Variants in ZNF236 observed in about 807,000 individuals in gnomAD.
ZNF236 encodes the protein zinc finger protein 236.
A neutral mutation model predicts 191.2 loss-of-function variants in ZNF236; 50 were observed. The ratio of observed to expected loss-of-function variants is 0.26; its 90% CI spans 0.21 to 0.33. The LOEUF is 0.33. Among genes scored for constraint, ZNF236 ranks in the 10% least tolerant of loss-of-function variants. The pLI is 1.00. For synonymous variants in ZNF236, 907 were observed against 928.8 expected, an observed-to-expected ratio of 0.98 and a Z score of 0.43; for missense variants, 1,754 against 2,374.5, an observed-to-expected ratio of 0.74 and a Z score of 5.43.
At chr18:76,949,451 G>A (rs925809951) in intron 27 of ZNF236, among the ~76,000 whole-genome samples, 1 of 152,050 alleles carries the variant, frequency 6.6e-6, no homozygotes, top group African/African-American at 2.4e-5. Flanking sequence ...AAATTTGACA[G>A]ATTAAATATA....
chr18:76,864,121 C>T (rs183022967), intron 3 of ZNF236, among the ~76,000 whole-genome samples: 140 of 152,224 alleles, frequency 9.2e-4, no homozygotes, highest in African/African-American at 3.1e-3. Flanking sequence ...CCTAGGTCTC[C>T]ATCTGCCAGC....
intron 30 of ZNF236, among the ~76,000 whole-genome samples, chr18:76,965,739 A>G (rs1031212534): frequency 1.3e-5 from 2 of 152,218 alleles, no homozygotes; most frequent in African/African-American, 4.8e-5. Flanking sequence ...GATGTGAACC[A>G]TTCATGGTCT....
At chr18:76,906,385 A>G (rs913929162) in intron 13 of ZNF236, among the ~76,000 whole-genome samples, 4 of 152,094 alleles carry the variant, frequency 2.6e-5, no homozygotes, top group African/African-American at 9.7e-5. Flanking sequence ...TTGTGGAGGG[A>G]ATCCTGTGCA....
At chr18:76,830,694 G>T (rs1395520286) in intron 1 of ZNF236, among the ~76,000 whole-genome samples, 4 of 152,172 alleles carry the variant, frequency 2.6e-5, no homozygotes, top group Non-Finnish European at 5.9e-5. Context: ...ACGAATTTGT[G>T]TTGGGCCATA....
At chr18:76,877,347 AAAAT>A (rs1256997198) in intron 6 of ZNF236, among the ~76,000 whole-genome samples, 2 of 152,032 alleles carry the variant, frequency 1.3e-5, no homozygotes, top group Non-Finnish European at 2.9e-5. Flanking sequence ...CATCTCTACT[AAAAT>A]ACAAAAATTA....
chr18:76,868,467 CT>C (rs1976482804), intron 3 of ZNF236, among the ~76,000 whole-genome samples: 2 of 152,192 alleles, frequency 1.3e-5, no homozygotes, highest in African/African-American at 4.8e-5. Flanking sequence ...ATGTTTCTGT[CT>C]TTTTCTTCCA....
At position 76,925,308 on chromosome 18, in the gene ZNF236, C is replaced by T. The variant is rs1220031297; in HGVS notation, c.3781C>T (p.Arg1261Cys). ...CTTCAAATGCCCGCATTGCGAGCTGCGTTTCCGTACCTCGGGTAGAAGAAA... is the reference window on the plus strand; with the variant it reads ...CTTCAAATGCCCGCATTGCGAGCTGTGTTTCCGTACCTCGGGTAGAAGAAA... Reference protein sequence around the residue: ...KPFKCPHCELRFRTSGRRKTH... With the variant: ...KPFKCPHCELCFRTSGRRKTH... The change falls in exon 22 of 31, where the codon CGT (arginine) becomes TGT (cysteine). Residue 1261 changes from arginine to cysteine, a missense_variant. Physicochemically the swap from Arg to Cys is radical, Grantham distance 180. This residue lies in a region of ZNF236 where 45 missense variants were observed against 137.4 expected (regional missense o/e 0.33). Coordinates refer to ENST00000320610, the MANE Select transcript of ZNF236 (RefSeq NM_001306089.2). The surrounding 1 kb of genome is among the most constrained non-coding windows in gnomAD (Gnocchi z 5.7). 3 of 1,614,176 alleles carry T rather than the reference C, an allele frequency of 1.9e-6. No individual in the cohort carries two copies. The highest frequency in any genetic ancestry group is 2.5e-6 in the Non-Finnish European group (3 of 1,180,046).
chr18:76,889,301 T>G (rs1977157726), intron 9 of ZNF236, among the ~76,000 whole-genome samples: 2 of 152,230 alleles, frequency 1.3e-5, no homozygotes, highest in African/African-American at 4.8e-5. Context: ...TGTGCATCCA[T>G]GCACACATCT....
chr18:76,925,678 T>G lies in ZNF236; in HGVS notation c.4027+124T>G, dbSNP rs982402789. 33 of 1,336,640 alleles carry G rather than the reference T, an allele frequency of 2.5e-5. No homozygotes were observed. The highest frequency in any genetic ancestry group is 3.1e-5 in the Non-Finnish European group (31 of 1,007,924). The allele number at this position is 1,336,640 out of a possible 1,614,324, so 82.8% of individuals were successfully genotyped here. ...GCACCACGTTTCCCTTCTTTGAGCC[T>G]TTTCCTTATAAGGCATTCGGAAAAA... is the stretch of plus-strand genomic sequence containing the variant. On this transcript the variant is annotated intron_variant, in intron 22 of 30. Transcript: ENST00000320610. The surrounding 1 kb of genome is among the most constrained non-coding windows in gnomAD (Gnocchi z 5.7).
chr18:76,825,217 C>A lies in ZNF236; in HGVS notation c.55+2555C>A, dbSNP rs577160662. The stretch of plus-strand genomic sequence containing the variant: ...ATTTAGCGTCTTCAGAGAGGCCTTC[C>A]TCAAACCTGCTTAAAAGTTACCTTT... On this transcript the variant is annotated intron_variant, in intron 1 of 30. Coordinates refer to ENST00000320610, the MANE Select transcript of ZNF236 (RefSeq NM_001306089.2). Among the ~76,000 whole-genome samples the A allele has an allele frequency of 2.6e-5, 4 of 152,346 alleles. No homozygotes were observed. In the East Asian group the frequency reaches 5.8e-4, roughly 22 times the overall value.
intron 1 of ZNF236, among the ~76,000 whole-genome samples, chr18:76,838,479 A>G (rs1284493873): frequency 6.6e-6 from 1 of 152,172 alleles, no homozygotes; most frequent in Non-Finnish European, 1.5e-5. Context: ...GTGATTCCAG[A>G]TGGAGTCATA....
Position 76,919,716 on chromosome 18 carries a change from T to G in ZNF236, c.3275-60T>G. On this transcript the variant is annotated intron_variant, in intron 19 of 30. Coordinates refer to ENST00000320610, the MANE Select transcript of ZNF236 (RefSeq NM_001306089.2). The surrounding 1 kb of genome is among the most constrained non-coding windows in gnomAD (Gnocchi z 5.3). ...CATACCTATTTAGTTTTAATTGTTT[T>G]GCTAAAAACCTAGGTTTTCTTCATT... 1 of 1,578,742 alleles carries G rather than the reference T, an allele frequency of 6.3e-7. No individual in the cohort carries two copies. The highest frequency in any genetic ancestry group is 8.6e-7 in the Non-Finnish European group (1 of 1,157,496).
intron 3 of ZNF236, among the ~76,000 whole-genome samples, chr18:76,856,011 C>T (rs1408852776): frequency 6.6e-6 from 1 of 152,084 alleles, no homozygotes; most frequent in African/African-American, 2.4e-5. Flanking sequence ...ATCCTCCAGC[C>T]AATAAATGGT....
chr18:76,932,201 G>A (rs1967871648), intron 25 of ZNF236, among the ~76,000 whole-genome samples: 1 of 152,174 alleles, frequency 6.6e-6, no homozygotes, highest in Non-Finnish European at 1.5e-5. Context: ...TGTCACAGGG[G>A]GTGGCTCTGT....
intron 3 of ZNF236, among the ~76,000 whole-genome samples, chr18:76,859,263 T>G (rs1599338860): frequency 2.0e-5 from 3 of 146,518 alleles, no homozygotes; most frequent in Admixed American, 6.9e-5. Context: ...CGGGTGCAGG[T>G]GGAGGAGGAA....
intron 26 of ZNF236, 26 bp from the exon 27 acceptor site, chr18:76,947,495 C>G (rs376960518): frequency 1.4e-5 from 23 of 1,599,434 alleles, no homozygotes; most frequent in Admixed American, 5.3e-5. Context: ...GTTACAACTT[C>G]TGAAATAGTA....
intron 9 of ZNF236, among the ~76,000 whole-genome samples, chr18:76,893,457 G>C (rs777207105): frequency 2.6e-4 from 39 of 152,102 alleles, no homozygotes; most frequent in Middle Eastern, 3.4e-3. Context: ...TTTACATTCT[G>C]TCACTGTGTT....
chr18:76,908,398 G>A lies in ZNF236; in HGVS notation c.2376G>A (p.Met792Ile). 9 of 1,614,234 alleles carry A rather than the reference G, an allele frequency of 5.6e-6. No individual in the cohort carries two copies. Among genetic ancestry groups the A allele is most frequent in the Non-Finnish European group, 7.6e-6 (9 of 1,180,050 alleles). Residue 792 changes from methionine (M) to isoleucine (I), a missense_variant, in exon 14 of 31, where the codon ATG becomes ATA. Met to Ile is a conservative substitution (Grantham distance 10). Transcript: ENST00000320610. ...ACAGCACTGTAGACCAGCAGAGCAT[G>A]CAGGCCTCCACTCAAATGCAGGTGG... ...IDDSTVDQQSMQASTQMQVEI... is the reference protein window; with the variant it reads ...IDDSTVDQQSIQASTQMQVEI...
At chr18:76,937,408 A>G (rs894430898) in intron 26 of ZNF236, 65 bp downstream of exon 26, 55 of 1,372,212 alleles carry the variant, frequency 4.0e-5, no homozygotes, top group South Asian at 4.9e-5. Context: ...AACATTATTC[A>G]TTGACTCCTT....
Sources: allele counts gnomAD v4.1 joint callset (sites outside exome capture counted in the v4.1 genomes callset), GRCh38; gene constraint gnomAD v4.1.1; regional missense constraint gnomAD v4.1.1; non-coding constraint Gnocchi (gnomAD v3.1); transcripts MANE v1.5; gene names NCBI Gene and HGNC (gene_info 2026-07-23, HGNC 2026-07-21).